Variants in GALNT13 observed in about 807,000 individuals in gnomAD.
GALNT13 encodes polypeptide N-acetylgalactosaminyltransferase 13.
A neutral mutation model predicts 64.2 loss-of-function variants in GALNT13; 28 were observed. The ratio of observed to expected loss-of-function variants is 0.44; its 90% CI spans 0.32 to 0.60. The LOEUF is 0.60. Ranked by LOEUF, GALNT13 falls within the 20% of genes least tolerant of loss-of-function variation. The pLI is 0.05. For synonymous variants in GALNT13, 214 were observed against 224.6 expected, an observed-to-expected ratio of 0.95 and a Z score of 0.42; for missense variants, 577 against 669.8, an observed-to-expected ratio of 0.86 and a Z score of 1.53.
chr2:153,876,224 CACACACACACAT>C (rs1211582684), intron 1 of GALNT13, among the ~76,000 whole-genome samples: 1 of 125,026 alleles, frequency 8.0e-6, no homozygotes, highest in Non-Finnish European at 1.8e-5. Flanking sequence ...CACACACACA[CACACACACACAT>C]ACACACACAG....
the GALNT13 span, among the ~76,000 whole-genome samples, chr2:153,640,746 C>A: frequency 6.6e-6 from 1 of 152,116 alleles, no homozygotes; most frequent in Non-Finnish European, 1.5e-5. Flanking sequence ...ATTGCCACAG[C>A]ACTCCAGCCT....
At chr2:153,525,248 A>G in the GALNT13 span, among the ~76,000 whole-genome samples, 1,916 of 152,286 alleles carry the variant, frequency 0.013, 36 homozygotes, top group African/African-American at 0.043. Context: ...CAGCAGCAAT[A>G]CTAAGGTACT....
At chr2:153,449,855 G>T in the GALNT13 span, 1 of 152,124 alleles carries the variant, frequency 6.6e-6, no homozygotes, top group Non-Finnish European at 1.5e-5. Flanking sequence ...TTTTATATAA[G>T]GGTCATAATT....
chr2:153,286,968 TACA>T, the GALNT13 span, among the ~76,000 whole-genome samples: 1 of 151,920 alleles, frequency 6.6e-6, no homozygotes, highest in African/African-American at 2.4e-5. Context: ...CGAGCAAACA[TACA>T]ACAATTTAAA....
chr2:154,142,902 C>T (rs1376753784), intron 4 of GALNT13, among the ~76,000 whole-genome samples: 2 of 151,626 alleles, frequency 1.3e-5, no homozygotes, highest in African/African-American at 4.8e-5. Context: ...TAAGCATATA[C>T]AAAAAATATA....
At chr2:154,012,987 C>T (rs533347233) in intron 3 of GALNT13, among the ~76,000 whole-genome samples, 65 of 151,330 alleles carry the variant, frequency 4.3e-4, no homozygotes, top group African/African-American at 1.4e-3. Context: ...GATTCTTTGG[C>T]TTGGGTTTTG....
At chr2:153,694,154 T>C in the GALNT13 span, among the ~76,000 whole-genome samples, 2 of 152,030 alleles carry the variant, frequency 1.3e-5, no homozygotes, top group Non-Finnish European at 2.9e-5. Context: ...TGCTATCTGT[T>C]TGGGAACAAA....
chr2:154,190,456 T>C (rs1686513965), intron 4 of GALNT13, among the ~76,000 whole-genome samples: 1 of 152,192 alleles, frequency 6.6e-6, no homozygotes, highest in African/African-American at 2.4e-5. Flanking sequence ...ATGGAAAGTA[T>C]ATTGTTTGAA....
intron 2 of GALNT13, among the ~76,000 whole-genome samples, chr2:153,936,418 A>G (rs1231561392): frequency 2.6e-5 from 4 of 152,154 alleles, no homozygotes; most frequent in Non-Finnish European, 5.9e-5. Flanking sequence ...ATGGCACAAC[A>G]TTGCCAGACT....
the GALNT13 span, among the ~76,000 whole-genome samples, chr2:153,415,799 CTT>C: frequency 2.0e-5 from 3 of 152,074 alleles, no homozygotes; most frequent in Non-Finnish European, 4.4e-5. Flanking sequence ...ATAGGGAAAA[CTT>C]TCTCTATTTT....
chr2:153,845,769 C>T, the GALNT13 span, among the ~76,000 whole-genome samples: 7 of 143,044 alleles, frequency 4.9e-5, no homozygotes, highest in Admixed American at 6.9e-5. Context: ...CGAATTTCTT[C>T]GAAAATGAAG....
chr2:153,170,998 G>T, the GALNT13 span, among the ~76,000 whole-genome samples: 1 of 152,178 alleles, frequency 6.6e-6, no homozygotes, highest in South Asian at 2.1e-4. Flanking sequence ...CAGCATTTTA[G>T]TGTACACTTT....
At chr2:153,775,625 T>G in the GALNT13 span, among the ~76,000 whole-genome samples, 1 of 152,142 alleles carries the variant, frequency 6.6e-6, no homozygotes, top group South Asian at 2.1e-4. Flanking sequence ...TTAGGGACAC[T>G]AAGTCTAATA....
the GALNT13 span, among the ~76,000 whole-genome samples, chr2:153,791,636 C>A: frequency 4.6e-5 from 7 of 152,060 alleles, no homozygotes; most frequent in African/African-American, 1.4e-4. Flanking sequence ...TATGTTCATT[C>A]CAGCACTATT....
the GALNT13 span, among the ~76,000 whole-genome samples, chr2:153,803,500 G>A: frequency 2.0e-5 from 3 of 151,964 alleles, no homozygotes; most frequent in South Asian, 2.1e-4. Context: ...AGACCATCCT[G>A]GCTAACACGG....
chr2:154,134,892 A>G (rs1173412791), intron 3 of GALNT13, among the ~76,000 whole-genome samples: 1 of 152,178 alleles, frequency 6.6e-6, no homozygotes, highest in African/African-American at 2.4e-5. Flanking sequence ...AGGCTGAGGC[A>G]CAAGAATCGC....
rs142232557 is a variant in GALNT13 at position 154,215,432 on chromosome 2, A to G, written c.312-26598A>G. Among the ~76,000 whole-genome samples, 390 of 152,234 alleles carry G rather than the reference A, an allele frequency of 2.6e-3. 2 individuals carry two copies. The highest frequency in any genetic ancestry group is 9.0e-3 in the African/African-American group (373 of 41,544). ...TCACTGTGACCTGACAGATACCTTC[A>G]TGATCTAACCTTTGACCTACCTTTC... is the stretch of plus-strand genomic sequence containing the variant. On this transcript the variant is annotated intron_variant, in intron 4 of 12. Coordinates refer to ENST00000392825, the MANE Select transcript of GALNT13 (RefSeq NM_052917.4).
At chr2:153,097,449 CT>C in the GALNT13 span, among the ~76,000 whole-genome samples, 9 of 152,104 alleles carry the variant, frequency 5.9e-5, no homozygotes, top group African/African-American at 2.2e-4. Flanking sequence ...TCCCTCTCTC[CT>C]TTTCTTTTAT....
At chr2:153,881,610 A>G (rs908087770) in intron 1 of GALNT13, among the ~76,000 whole-genome samples, 2 of 152,212 alleles carry the variant, frequency 1.3e-5, no homozygotes, top group Admixed American at 1.3e-4. Context: ...CTTATTATCT[A>G]TATAAAATGC....
Sources: allele counts gnomAD v4.1 joint callset (sites outside exome capture counted in the v4.1 genomes callset), GRCh38; gene constraint gnomAD v4.1.1; transcripts MANE v1.5; gene names NCBI Gene and HGNC (gene_info 2026-07-23, HGNC 2026-07-21).